The following RAB3GAP1 variants were observed in gnomAD, a reference collection of about 807,000 sequenced individuals.
RAB3GAP1 encodes RAB3 GTPase activating protein catalytic subunit 1, also known as rab3 GTPase-activating protein catalytic subunit.
Under a neutral mutation model 130.7 loss-of-function variants are expected in RAB3GAP1, and 86 were observed. The observed-to-expected ratio is 0.66, with a 90% confidence interval of 0.55 to 0.79. The LOEUF (loss-of-function observed/expected upper bound fraction) is 0.79, where lower values mean the gene tolerates loss of function less well. RAB3GAP1 is among the 30% of genes least tolerant of loss of function. RAB3GAP1 has a pLI of 0.00. For missense variants in RAB3GAP1, 1,029 were observed against 1,169.4 expected (o/e 0.88, Z 1.75); for synonymous variants, 367 against 401.7 (o/e 0.91, Z 1.03).
chr2:135,093,649 T>C lies in RAB3GAP1; in HGVS notation c.318T>C (p.Gly106=). The change falls in exon 5 of 24, where the codon GGT becomes GGC. Residue 106 remains glycine, a synonymous_variant. Transcript: ENST00000264158. ...VVPQSMQDLL[G]MNNDFPPRAH... is the part of the protein sequence containing the mutation. ...CACAATCTATGCAAGATTTGCTGGG[T>C]ATGAATAATGACTTTCCTCCAAGAG... 6.2e-7 allele frequency: 1 copy of C among 1,613,738 alleles called. No individual in the cohort carries two copies. The highest frequency in any genetic ancestry group is 8.5e-7 in the Non-Finnish European group (1 of 1,179,618).
chr2:135,141,231 T>TTTTC (rs1558796508), intron 17 of RAB3GAP1, among the ~76,000 whole-genome samples: 12 of 117,700 alleles, frequency 1.0e-4, no homozygotes, highest in African/African-American at 5.9e-4. Flanking sequence ...CTTACTTCTT[T>TTTTC]TTTTTTTTTT....
intron 5 of RAB3GAP1, among the ~76,000 whole-genome samples, chr2:135,099,837 G>C (rs754736090): frequency 3.3e-4 from 50 of 152,136 alleles, no homozygotes; most frequent in Non-Finnish European, 5.6e-4. Flanking sequence ...TACAACCTCT[G>C]TAGTGATTTG....
intron 3 of RAB3GAP1, among the ~76,000 whole-genome samples, chr2:135,067,559 C>A (rs531951820): frequency 7.8e-4 from 119 of 152,218 alleles, no homozygotes; most frequent in African/African-American, 2.7e-3. Flanking sequence ...ATAAAAATGG[C>A]AGGAGATATC....
chr2:135,087,452 G>A (rs1024231352), intron 3 of RAB3GAP1, among the ~76,000 whole-genome samples: 29 of 152,172 alleles, frequency 1.9e-4, no homozygotes, highest in African/African-American at 7.0e-4. Context: ...TTGGGATCAT[G>A]TTGAATATAT....
At chr2:135,056,462 C>G (rs1689015543) in intron 2 of RAB3GAP1, among the ~76,000 whole-genome samples, 1 of 152,198 alleles carries the variant, frequency 6.6e-6, no homozygotes. Context: ...CCTCAGCTCC[C>G]AAAGTGCTGG....
At chr2:135,130,146 AT>A in intron 12 of RAB3GAP1, 59 bp downstream of exon 12, 8 of 1,340,936 alleles carry the variant, frequency 6.0e-6, no homozygotes, top group East Asian at 2.3e-5. Context: ...TCCTTGGCAC[AT>A]TTTTCAGCAA....
At chr2:135,154,185 A>C (rs920500503) in intron 19 of RAB3GAP1, among the ~76,000 whole-genome samples, 1 of 152,222 alleles carries the variant, frequency 6.6e-6, no homozygotes, top group African/African-American at 2.4e-5. Flanking sequence ...TTTTTAAGGA[A>C]ATAATGAGAA....
chr2:135,109,642 C>T (rs1690738277), intron 5 of RAB3GAP1, among the ~76,000 whole-genome samples: 2 of 151,010 alleles, frequency 1.3e-5, no homozygotes, highest in East Asian at 2.0e-4. Flanking sequence ...AGTGCAGTGG[C>T]GCAATCTCGG....
At chr2:135,108,521 T>G (rs1690697088) in intron 5 of RAB3GAP1, among the ~76,000 whole-genome samples, 1 of 151,846 alleles carries the variant, frequency 6.6e-6, no homozygotes, top group Non-Finnish European at 1.5e-5. Flanking sequence ...GGGGCTTTTT[T>G]TTTTTTTTAG....
intron 19 of RAB3GAP1, among the ~76,000 whole-genome samples, chr2:135,155,714 A>G (rs1692292424): frequency 6.6e-6 from 1 of 152,204 alleles, no homozygotes; most frequent in African/African-American, 2.4e-5. Flanking sequence ...GCTATACTTA[A>G]GAAATTGATG....
At position 135,132,205 on chromosome 2, in the gene RAB3GAP1, G is replaced by A. The variant is rs1691567104; in HGVS notation, c.1237-690G>A. 2.6e-5 allele frequency among the ~76,000 whole-genome samples: 4 copies of A among 152,292 alleles called. No individual in the cohort carries two copies. In the South Asian group the frequency reaches 8.3e-4, roughly 32 times the overall value. ...AGCAGTACCACAAAACAATTGAGAG[G>A]AACAGTGATAAAAGGACTGTAAATA... On this transcript the variant is annotated intron_variant, in intron 13 of 23. Coordinates refer to ENST00000264158, the MANE Select transcript of RAB3GAP1 (RefSeq NM_012233.3).
At position 135,168,830 on chromosome 2, in the gene RAB3GAP1, C is replaced by G. The variant is rs1692748911; in HGVS notation, c.*49C>G. 1 of 1,517,240 alleles carries G rather than the reference C, an allele frequency of 6.6e-7. No homozygotes were observed. Among genetic ancestry groups the G allele is most frequent in the Non-Finnish European group, 9.2e-7 (1 of 1,092,788 alleles). The allele number at this position is 1,517,240 out of a possible 1,614,324, so 94.0% of individuals were successfully genotyped here. A position where few individuals can be genotyped will look rare whatever the true frequency, so the allele number is the denominator to read the frequency against. Reference sequence around the variant, plus strand: ...GGCTTCAGAGACAGTGCTGCCTCCTCCTGAGGGAGGGAAGGTACCAGGGAG... The same window carrying G: ...GGCTTCAGAGACAGTGCTGCCTCCTGCTGAGGGAGGGAAGGTACCAGGGAG... On this transcript the variant is annotated 3_prime_UTR_variant, in exon 24 of 24. Transcript: ENST00000264158.
At chr2:135,112,561 C>T (rs960269064) in intron 5 of RAB3GAP1, among the ~76,000 whole-genome samples, 1 of 152,114 alleles carries the variant, frequency 6.6e-6, no homozygotes, top group Non-Finnish European at 1.5e-5. Flanking sequence ...GCATCAGACA[C>T]CTCTCCCACC....
At chr2:135,123,372 CAA>C (rs1196337691) in intron 8 of RAB3GAP1, among the ~76,000 whole-genome samples, 2 of 152,102 alleles carry the variant, frequency 1.3e-5, no homozygotes, top group Non-Finnish European at 2.9e-5. Context: ...TTTACTGAAT[CAA>C]GTAATTGATT....
intron 3 of RAB3GAP1, among the ~76,000 whole-genome samples, chr2:135,069,955 G>GT (rs1689422377): frequency 6.6e-6 from 1 of 152,204 alleles, no homozygotes; most frequent in African/African-American, 2.4e-5. Flanking sequence ...CATTTAAAAT[G>GT]TAACAGCAGT....
At chr2:135,117,576 TCTTCTGCTTCTTCTTCTGCTG>T (rs1691034619) in intron 7 of RAB3GAP1, among the ~76,000 whole-genome samples, 1 of 147,136 alleles carries the variant, frequency 6.8e-6, no homozygotes, top group African/African-American at 2.6e-5. Context: ...TTCTGCTTCT[TCTTCTGCTTCTTCTTCTGCTG>T]CTTCTTCTGC....
At chr2:135,121,731 T>C (rs910091613) in intron 8 of RAB3GAP1, among the ~76,000 whole-genome samples, 1 of 152,240 alleles carries the variant, frequency 6.6e-6, no homozygotes, top group Non-Finnish European at 1.5e-5. Flanking sequence ...TTACTGTTTA[T>C]TTTTGTTCCA....
intron 8 of RAB3GAP1, among the ~76,000 whole-genome samples, chr2:135,123,859 A>G (rs755494042): frequency 6.6e-6 from 1 of 152,230 alleles, no homozygotes; most frequent in Non-Finnish European, 1.5e-5. Flanking sequence ...AAATGCAAAA[A>G]AATGTACAGA....
At chr2:135,122,844 C>G (rs1306229612) in intron 8 of RAB3GAP1, among the ~76,000 whole-genome samples, 1 of 152,146 alleles carries the variant, frequency 6.6e-6, no homozygotes, top group Admixed American at 6.5e-5. Context: ...GCCTCAGCCT[C>G]AGCCTCCTGA....
Sources: gnomAD v4.1 joint callset for allele counts (sites outside exome capture counted in the v4.1 genomes callset) on GRCh38, gnomAD v4.1.1 for gene constraint, MANE v1.5 for transcripts, NCBI Gene and HGNC (gene_info 2026-07-23, HGNC 2026-07-21) for gene names.